KBTBD12: variants seen among roughly 807,000 people sequenced by gnomAD.
KBTBD12 encodes the protein kelch repeat and BTB domain containing 12.
In KBTBD12, 53 loss-of-function variants were observed where a neutral mutation model predicts 58.7. That is an observed-to-expected ratio of 0.90 (90% CI 0.72 to 1.14). The LOEUF (loss-of-function observed/expected upper bound fraction) is 1.14, where lower values mean the gene tolerates loss of function less well. KBTBD12 is among the 50% of genes most tolerant of loss of function. The probability of loss-of-function intolerance (pLI) is 0.00; values close to 1 mark genes in which losing one functional copy is unlikely to be tolerated. For missense variants in KBTBD12, 704 were observed against 751.3 expected (o/e 0.94, Z 0.74); for synonymous variants, 236 against 259.8 (o/e 0.91, Z 0.88).
intron 4 of KBTBD12, among the ~76,000 whole-genome samples, chr3:127,932,954 A>C (rs1347591654): frequency 6.6e-6 from 1 of 152,206 alleles, no homozygotes; most frequent in Admixed American, 6.6e-5. Context: ...CTGACTGAGA[A>C]AAACCTAAAA....
chr3:127,967,293 A>G (rs1434232510), intron 5 of KBTBD12, among the ~76,000 whole-genome samples: 4 of 152,210 alleles, frequency 2.6e-5, no homozygotes, highest in African/African-American at 4.8e-5. Context: ...TTTGGAGAAG[A>G]ACAATGAAAA....
chr3:127,978,940 G>A (rs1256119596), intron 5 of KBTBD12, among the ~76,000 whole-genome samples: 1 of 152,174 alleles, frequency 6.6e-6, no homozygotes, highest in African/African-American at 2.4e-5. Context: ...GCTCAAGAAA[G>A]TGATCTCATA....
chr3:127,926,914 C>T (rs1939585691), intron 2 of KBTBD12, among the ~76,000 whole-genome samples: 1 of 152,076 alleles, frequency 6.6e-6, no homozygotes, highest in South Asian at 2.1e-4. Flanking sequence ...TGAAGTACTT[C>T]TGTCCTTCTC....
At chr3:127,962,376 T>G (rs997466218) in intron 4 of KBTBD12, among the ~76,000 whole-genome samples, 13 of 152,238 alleles carry the variant, frequency 8.5e-5, no homozygotes, top group Admixed American at 2.6e-4. Flanking sequence ...AGAGTTGTAC[T>G]TAAAGTCATG....
chr3:127,980,879 C>A (rs368139095), intron 5 of KBTBD12, among the ~76,000 whole-genome samples: 12 of 152,258 alleles, frequency 7.9e-5, no homozygotes, highest in East Asian at 7.7e-4. Flanking sequence ...CATACAAATT[C>A]TATTTTAGAT....
At chr3:127,930,428 T>A (rs1576374073) in intron 4 of KBTBD12, 145 bp downstream of exon 4, 2 of 736,104 alleles carry the variant, frequency 2.7e-6, no homozygotes, top group East Asian at 2.7e-5. Flanking sequence ...TTATTTCTTG[T>A]TTTCTAGAGT....
At position 127,956,770 on chromosome 3, in the gene KBTBD12, C is replaced by T. The variant is rs138336571; in HGVS notation, c.1493-6419C>T. On this transcript the variant is annotated intron_variant, in intron 4 of 5. Transcript: ENST00000405109. ...GTACAACTATACAATCTGTGCTTTGCTTTTATGAAAAAGAGGTAAATTGTT... is the reference window on the plus strand; with the variant it reads ...GTACAACTATACAATCTGTGCTTTGTTTTTATGAAAAAGAGGTAAATTGTT... Among the ~76,000 whole-genome samples the T allele has an allele frequency of 3.1e-4, 47 of 152,222 alleles. 1 individual carries two copies. The East Asian group carries it at 9.1e-3, about 29-fold the overall frequency.
chr3:127,946,187 G>A lies in KBTBD12; in HGVS notation c.1492+15904G>A, dbSNP rs540282823. Among the ~76,000 whole-genome samples, 15 of 152,218 alleles carry A rather than the reference G, an allele frequency of 9.9e-5. No homozygotes were observed. In the East Asian group the frequency reaches 1.7e-3, roughly 18 times the overall value. The stretch of plus-strand genomic sequence containing the variant: ...GTGGTTGTGGTTCTTTAAACAACCT[G>A]TTATGTTTATTCACAAAATTGCCAT... On this transcript the variant is annotated intron_variant, in intron 4 of 5. Transcript: ENST00000405109.
chr3:127,959,323 T>C (rs376404231), intron 4 of KBTBD12, among the ~76,000 whole-genome samples: 1 of 152,218 alleles, frequency 6.6e-6, no homozygotes, highest in Non-Finnish European at 1.5e-5. Flanking sequence ...CTCAAACATT[T>C]ATGACCAAAT....
At chr3:127,928,124 G>C in intron 3 of KBTBD12, 90 bp downstream of exon 3, 1 of 1,135,024 alleles carries the variant, frequency 8.8e-7, no homozygotes, top group Non-Finnish European at 1.3e-6. Context: ...AATGCTAAAA[G>C]AGTGTGACTT....
intron 2 of KBTBD12, among the ~76,000 whole-genome samples, chr3:127,925,010 T>C (rs940017852): frequency 5.3e-5 from 8 of 152,222 alleles, no homozygotes; most frequent in African/African-American, 1.9e-4. Context: ...CCATGGTTTG[T>C]TCAGACATTT....
intron 5 of KBTBD12, among the ~76,000 whole-genome samples, chr3:127,969,700 C>A (rs1283576667): frequency 1.3e-5 from 2 of 152,062 alleles, no homozygotes; most frequent in Non-Finnish European, 1.5e-5. Context: ...ACAAGGCTGC[C>A]AAGACAAGTC....
chr3:127,948,094 A>C (rs980672654), intron 4 of KBTBD12, among the ~76,000 whole-genome samples: 2 of 152,270 alleles, frequency 1.3e-5, no homozygotes, highest in African/African-American at 4.8e-5. Flanking sequence ...TAATTTTACA[A>C]AGGGAAAAAG....
chr3:127,930,214 C>A lies in KBTBD12; in HGVS notation c.1423C>A (p.Arg475=), dbSNP rs1450069091. Residue 475 remains arginine, a synonymous_variant, in exon 4 of 6, where the codon CGG becomes AGG. Coordinates refer to ENST00000405109, the MANE Select transcript of KBTBD12 (RefSeq NM_207335.4). ...YDPSQDQWSV[R]APMKYSKYRF... is the part of the protein sequence containing the mutation. Reference sequence around the variant, plus strand: ...CCCCAGCCAAGATCAATGGAGTGTGCGGGCACCCATGAAGTACTCTAAGTA... The same window carrying A: ...CCCCAGCCAAGATCAATGGAGTGTGAGGGCACCCATGAAGTACTCTAAGTA... The A allele has an allele frequency of 2.5e-6, 4 of 1,608,528 alleles. No individual in the cohort carries two copies. The East Asian group carries it at 6.7e-5, about 27-fold the overall frequency.
rs546904851 is a variant in KBTBD12, at chr3:127,984,380, G to A, written c.*102G>A. The A allele has an allele frequency of 5.2e-5, 56 of 1,073,958 alleles. No individual in the cohort carries two copies. Among genetic ancestry groups the A allele is most frequent in the African/African-American group, 1.7e-4 (11 of 63,686 alleles). The allele number at this position is 1,073,958 out of a possible 1,614,324, so 66.5% of individuals were successfully genotyped here. A position where few individuals can be genotyped will look rare whatever the true frequency, so the allele number is the denominator to read the frequency against. On this transcript the variant is annotated 3_prime_UTR_variant, in exon 6 of 6. Transcript: ENST00000405109. ...CATGCCAGTCATGTGCACTGCATGC[G>A]TAGTGGCCTGTGTGTGAAGAAGCAG...
At chr3:127,974,540 G>A (rs1263668811) in intron 5 of KBTBD12, among the ~76,000 whole-genome samples, 1 of 152,166 alleles carries the variant, frequency 6.6e-6, no homozygotes, top group African/African-American at 2.4e-5. Flanking sequence ...CCTTAAGAGT[G>A]AGAAGCTAAG....
chr3:127,959,442 C>T (rs1365619708), intron 4 of KBTBD12, among the ~76,000 whole-genome samples: 1 of 152,128 alleles, frequency 6.6e-6, no homozygotes, highest in African/African-American at 2.4e-5. Flanking sequence ...TATCCAACCC[C>T]GGAAGAAACT....
At chr3:127,924,170 T>C (rs1249709754) in intron 2 of KBTBD12, 39 bp downstream of exon 2, 1 of 1,322,108 alleles carries the variant, frequency 7.6e-7, no homozygotes. Flanking sequence ...TTATTTTGTT[T>C]TGATACTAGC....
In KBTBD12 at chr3:127,973,553, A is replaced by T. The variant is rs576486042; in HGVS notation, c.1690+10167A>T. ...TATGATAATGGTTTGTGATTATGTA[A>T]AGGAATTTCCTCATCCTTAGAAGAA... On this transcript the variant is annotated intron_variant, in intron 5 of 5. Transcript: ENST00000405109. 3.3e-5 allele frequency among the ~76,000 whole-genome samples: 5 copies of T among 152,260 alleles called. No individual in the cohort carries two copies. In the South Asian group the frequency reaches 1.0e-3, roughly 32 times the overall value.
Sources: allele counts gnomAD v4.1 joint callset (sites outside exome capture counted in the v4.1 genomes callset), GRCh38; gene constraint gnomAD v4.1.1; transcripts MANE v1.5; gene names NCBI Gene and HGNC (gene_info 2026-07-23, HGNC 2026-07-21).